The following UVRAG variants were observed in gnomAD, a reference collection of about 807,000 sequenced individuals.
UVRAG encodes the protein UV radiation resistance-associated gene protein.
In UVRAG, 19 loss-of-function variants were observed where a neutral mutation model predicts 78.0. The ratio of observed to expected loss-of-function variants is 0.24; its 90% CI spans 0.17 to 0.36. The LOEUF (loss-of-function observed/expected upper bound fraction) is 0.36, where lower values mean the gene tolerates loss of function less well. UVRAG is among the 10% of genes least tolerant of loss of function. UVRAG has a pLI of 1.00. For synonymous variants in UVRAG, 323 were observed against 324.6 expected (o/e 1.00, Z 0.05); for missense variants, 740 against 853.8 (o/e 0.87, Z 1.66).
At chr11:75,886,065 C>T (rs1406222208) in intron 4 of UVRAG, among the ~76,000 whole-genome samples, 1 of 152,036 alleles carries the variant, frequency 6.6e-6, no homozygotes, top group African/African-American at 2.4e-5. Context: ...GTAGGGGTAC[C>T]AGGGCTGTAA....
intron 1 of UVRAG, among the ~76,000 whole-genome samples, chr11:75,821,177 A>G (rs981732209): frequency 6.6e-6 from 1 of 151,976 alleles, no homozygotes; most frequent in Non-Finnish European, 1.5e-5. Context: ...ATTATACAGT[A>G]TTTGTCCTTT....
intron 12 of UVRAG, among the ~76,000 whole-genome samples, chr11:76,029,321 C>T (rs1950392070): frequency 6.6e-6 from 1 of 152,022 alleles, no homozygotes; most frequent in Non-Finnish European, 1.5e-5. Context: ...ATCCATTCCG[C>T]AACCCATGGA....
chr11:75,949,688 A>ATTGTATATATATATAT (rs1565394479), intron 6 of UVRAG, among the ~76,000 whole-genome samples: 3 of 142,858 alleles, frequency 2.1e-5, no homozygotes, highest in African/African-American at 8.2e-5. Flanking sequence ...TATACAATAA[A>ATTGTATATATATATAT]ATACATATAT....
At chr11:76,023,571 A>T (rs1259498520) in intron 12 of UVRAG, among the ~76,000 whole-genome samples, 1 of 152,130 alleles carries the variant, frequency 6.6e-6, no homozygotes. Context: ...TTAGTCCTTC[A>T]GGTAGCCACC....
At chr11:75,820,113 A>T (rs1333149438) in intron 1 of UVRAG, among the ~76,000 whole-genome samples, 1 of 152,100 alleles carries the variant, frequency 6.6e-6, no homozygotes, top group African/African-American at 2.4e-5. Flanking sequence ...AGTATCTAGG[A>T]CTACAGGCAT....
rs753314142 is a variant in UVRAG at position 76,016,989 on chromosome 11, C to T, written c.1226+9C>T. 8.9e-6 allele frequency: 14 copies of T among 1,570,702 alleles called. 1 individual carries two copies. The Admixed American group carries it at 2.6e-4, about 29-fold the overall frequency. On this transcript the variant is annotated intron_variant, in intron 12 of 14. Coordinates refer to ENST00000356136, the MANE Select transcript of UVRAG (RefSeq NM_003369.4). The stretch of plus-strand genomic sequence containing the variant: ...ACGGAAAAGGAGAGAGAGTAAGTGT[C>T]TTTTTTTTAAAAAAATGATTTTAAC...
At chr11:76,069,383 C>T (rs1691042936) in intron 13 of UVRAG, among the ~76,000 whole-genome samples, 1 of 152,112 alleles carries the variant, frequency 6.6e-6, no homozygotes, top group South Asian at 2.1e-4. Flanking sequence ...TGTTAAGTGC[C>T]AGCCTCTTCA....
In UVRAG at chr11:75,838,336, T is replaced by G. The variant is rs148289600; in HGVS notation, c.118-13547T>G. 2.0e-3 allele frequency among the ~76,000 whole-genome samples: 307 copies of G among 151,782 alleles called. 2 individuals carry two copies. Among genetic ancestry groups the G allele is most frequent in the African/African-American group, 7.2e-3 (299 of 41,382 alleles). The stretch of plus-strand genomic sequence containing the variant: ...TTTGTAATTTTTTTAAATTTTAGGG[T>G]TTTTTTTGTTTTTGTTTTTGAGACA... On this transcript the variant is annotated intron_variant, in intron 1 of 14. Transcript: ENST00000356136.
intron 7 of UVRAG, among the ~76,000 whole-genome samples, chr11:75,970,149 G>T (rs1949096754): frequency 6.6e-6 from 1 of 152,218 alleles, no homozygotes; most frequent in Non-Finnish European, 1.5e-5. Flanking sequence ...GCACACATAT[G>T]CAGGCACAGA....
At chr11:75,918,106 C>T (rs1947897825) in intron 6 of UVRAG, among the ~76,000 whole-genome samples, 1 of 151,698 alleles carries the variant, frequency 6.6e-6, no homozygotes, top group Admixed American at 6.6e-5. Context: ...GTGGCTCACG[C>T]CTGTAATCCC....
chr11:75,818,886 G>A (rs34076235), intron 1 of UVRAG, among the ~76,000 whole-genome samples: 23,267 of 152,074 alleles, frequency 0.15, 2,308 homozygotes, highest in Non-Finnish European at 0.22. Flanking sequence ...CTAAGATGGG[G>A]TTTGTCAACC....
At chr11:76,129,889 T>C (rs988970316) in intron 14 of UVRAG, among the ~76,000 whole-genome samples, 1 of 151,828 alleles carries the variant, frequency 6.6e-6, no homozygotes. Context: ...TCTCTCTCTC[T>C]GCACCTCTGA....
At chr11:76,049,558 T>C (rs940362207) in intron 12 of UVRAG, among the ~76,000 whole-genome samples, 3 of 152,152 alleles carry the variant, frequency 2.0e-5, no homozygotes, top group Non-Finnish European at 4.4e-5. Context: ...ATAATACAGC[T>C]TTACAAAATG....
rs148858611 is a variant in UVRAG at position 75,983,444 on chromosome 11, C to A, written c.757C>A (p.Arg253=). Residue 253 remains arginine (R), a synonymous_variant, in exon 8 of 15, where the codon CGG becomes AGG. Transcript: ENST00000356136. The part of the protein sequence containing the change: ...KILVLQNELE[R]QKKALGREVA... ...TTTGGTGCTTCAGAATGAACTGGAA[C>A]GGCAGAAGAAAGCTTTGGGACGGGA... The A allele has an allele frequency of 3.1e-6, 5 of 1,609,932 alleles. No homozygotes were observed. In the African/African-American group the frequency reaches 6.7e-5, roughly 22 times the overall value.
At position 76,141,233 on chromosome 11, in the gene UVRAG, C is replaced by T; in HGVS notation, c.1920C>T (p.Ala640=). Reference sequence around the variant, plus strand: ...CAGAAGAAATCATCGGGCTGGAAGCCACAGGTTTCGCCTCAGGTGATCAGC... The same window carrying T: ...CAGAAGAAATCATCGGGCTGGAAGCTACAGGTTTCGCCTCAGGTGATCAGC... The part of the protein sequence containing the change: ...EQAEEIIGLE[A]TGFASGDQLE... The change falls in exon 15 of 15, where the codon GCC becomes GCT. Residue 640 remains alanine (A), a synonymous_variant. Transcript: ENST00000356136. 6.2e-7 allele frequency: 1 copy of T among 1,614,136 alleles called. No individual in the cohort carries two copies. The highest frequency in any genetic ancestry group is 8.5e-7 in the Non-Finnish European group (1 of 1,180,022).
At chr11:76,026,987 A>G (rs1950337429) in intron 12 of UVRAG, among the ~76,000 whole-genome samples, 2 of 152,172 alleles carry the variant, frequency 1.3e-5, no homozygotes, top group South Asian at 2.1e-4. Context: ...AAAAAAGTCC[A>G]TGCAGAATTG....
In UVRAG at chr11:75,866,551, ACAACAG is replaced by A. The variant is rs1159428606; in HGVS notation, c.270+4783_270+4788del. Among the ~76,000 whole-genome samples the A allele has an allele frequency of 2.6e-5, 4 of 152,108 alleles. No individual in the cohort carries two copies. The East Asian group carries it at 5.8e-4, about 22-fold the overall frequency. On this transcript the variant is annotated intron_variant, in intron 3 of 14. Transcript: ENST00000356136. ...CGACACAGTGAGAACCCATCTCAAA[ACAACAG>A]CAACAGCAACAAAAACTAAATAAAA...
At chr11:75,827,613 AAAACAAAC>A (rs111842552) in intron 1 of UVRAG, among the ~76,000 whole-genome samples, 2 of 151,730 alleles carry the variant, frequency 1.3e-5, no homozygotes, top group Non-Finnish European at 1.5e-5. Flanking sequence ...CTCCGTCTCA[AAAACAAAC>A]AAACAAACAA....
At chr11:76,011,398 C>G (rs945115791) in intron 11 of UVRAG, among the ~76,000 whole-genome samples, 4 of 152,048 alleles carry the variant, frequency 2.6e-5, no homozygotes, top group Non-Finnish European at 5.9e-5. Flanking sequence ...CTGAAGTGTG[C>G]AGATCATTTG....
Sources: allele counts gnomAD v4.1 joint callset (sites outside exome capture counted in the v4.1 genomes callset), GRCh38; gene constraint gnomAD v4.1.1; transcripts MANE v1.5; gene names NCBI Gene and HGNC (gene_info 2026-07-23, HGNC 2026-07-21).